RBFOX1: variants seen among roughly 807,000 people sequenced by gnomAD.
The protein encoded by RBFOX1 is RNA binding fox-1 homolog 1.
Under a neutral mutation model 57.7 loss-of-function variants are expected in RBFOX1, and 8 were observed. The ratio of observed to expected loss-of-function variants is 0.14; its 90% CI spans 0.08 to 0.25. RBFOX1 has a LOEUF of 0.25. RBFOX1 is among the 10% of genes least tolerant of loss of function. The pLI is 1.00. For missense variants in RBFOX1, 611 were observed against 548.5 expected (o/e 1.11, Z -1.14); for synonymous variants, 326 against 222.4 (o/e 1.47, Z -4.15).
intron 4 of RBFOX1, among the ~76,000 whole-genome samples, chr16:7,282,013 GTGCCATCACGCCT>G (rs2095554389): frequency 6.6e-6 from 1 of 151,464 alleles, no homozygotes; most frequent in Non-Finnish European, 1.5e-5. Context: ...CCACAGGCGC[GTGCCATCACGCCT>G]GGCAATTTTT....
intron 3 of RBFOX1, among the ~76,000 whole-genome samples, chr16:6,847,420 G>C (rs917791739): frequency 1.3e-5 from 2 of 152,006 alleles, no homozygotes; most frequent in African/African-American, 4.8e-5. Flanking sequence ...CAGCCGTCTA[G>C]ACTGCTTGGT....
chr16:7,225,905 A>AATAAATATATATATATATATATAT (rs66510060), intron 4 of RBFOX1, among the ~76,000 whole-genome samples: 6 of 93,732 alleles, frequency 6.4e-5, no homozygotes, highest in African/African-American at 2.9e-4. Flanking sequence ...AAGTATAATA[A>AATAAATATATATATATATATATAT]ATATATATAT....
chr16:6,932,790 A>G (rs919644456), intron 3 of RBFOX1, among the ~76,000 whole-genome samples: 6 of 152,196 alleles, frequency 3.9e-5, no homozygotes, highest in African/African-American at 7.2e-5. Context: ...CACAGTTTGG[A>G]GGCATTAAAT....
At chr16:7,517,890 G>A (rs943734880) in intron 4 of RBFOX1, among the ~76,000 whole-genome samples, 1 of 151,648 alleles carries the variant, frequency 6.6e-6, no homozygotes, top group Non-Finnish European at 1.5e-5. Context: ...AGGCTGGGTG[G>A]CTTGGAAAAA....
chr16:6,862,177 T>A (rs1194758004), intron 3 of RBFOX1, among the ~76,000 whole-genome samples: 2 of 152,176 alleles, frequency 1.3e-5, no homozygotes, highest in Non-Finnish European at 2.9e-5. Flanking sequence ...GCTTGCTGTG[T>A]GTGTCATGTT....
rs188640413 is a variant in RBFOX1, at chr16:7,616,902, C to G, written c.676+9564C>G. Among the ~76,000 whole-genome samples, 56 of 152,034 alleles carry G rather than the reference C, an allele frequency of 3.7e-4. 1 individual carries two copies. In the East Asian group the frequency reaches 9.9e-3, roughly 27 times the overall value. ...TTATCTCCCAGGAGCTGGCCAAAGT[C>G]CAATCCTAAGGACAAGCTGTTGTGG... On this transcript the variant is annotated intron_variant, in intron 10 of 15. Transcript: ENST00000550418.
intron 4 of RBFOX1, among the ~76,000 whole-genome samples, chr16:7,235,274 A>AG (rs1403497850): frequency 2.6e-5 from 4 of 152,160 alleles, no homozygotes; most frequent in Admixed American, 2.6e-4. Flanking sequence ...TTACACAGAA[A>AG]GAAAGCCACT....
intron 3 of RBFOX1, among the ~76,000 whole-genome samples, chr16:7,041,589 A>C (rs1448582844): frequency 2.0e-5 from 3 of 152,168 alleles, no homozygotes; most frequent in African/African-American, 4.8e-5. Flanking sequence ...GAAGTTCTAC[A>C]TAGTGATAAC....
At chr16:6,971,320 A>C (rs1183921126) in intron 3 of RBFOX1, among the ~76,000 whole-genome samples, 1 of 152,192 alleles carries the variant, frequency 6.6e-6, no homozygotes, top group Non-Finnish European at 1.5e-5. Flanking sequence ...TGTCAGCCAC[A>C]GAAACATCCA....
chr16:6,537,294 C>T (rs557588154), intron 2 of RBFOX1, among the ~76,000 whole-genome samples: 1 of 152,190 alleles, frequency 6.6e-6, no homozygotes, highest in East Asian at 1.9e-4. Flanking sequence ...GGGTGTTAAG[C>T]AACAGAAATG....
intron 2 of RBFOX1, among the ~76,000 whole-genome samples, chr16:5,547,824 T>G (rs940795491): frequency 2.0e-5 from 3 of 151,982 alleles, no homozygotes; most frequent in Non-Finnish European, 2.9e-5. Context: ...ATGTGCTCAT[T>G]TATAAGTGGG....
rs533558669 is a variant in RBFOX1 at position 5,808,635 on chromosome 16, G to A, written c.319-58668G>A. Among the ~76,000 whole-genome samples, 275 of 152,130 alleles carry A rather than the reference G, an allele frequency of 1.8e-3. 2 individuals are homozygous for A. Among genetic ancestry groups the A allele is most frequent in the Admixed American group, 2.7e-3 (41 of 15,282 alleles). Reference sequence around the variant, plus strand: ...AGTTCTCCTTGAAGAGGTCCTTTACGTCCCTTGTAAGTTGGATTCCTAGGT... The same window carrying A: ...AGTTCTCCTTGAAGAGGTCCTTTACATCCCTTGTAAGTTGGATTCCTAGGT... On this transcript the variant is annotated intron_variant, in intron 3 of 19. Transcript: ENST00000641259.
At chr16:6,646,993 A>T (rs544626343) in intron 2 of RBFOX1, among the ~76,000 whole-genome samples, 4 of 152,176 alleles carry the variant, frequency 2.6e-5, no homozygotes, top group Non-Finnish European at 5.9e-5. Context: ...GGGCTACCCT[A>T]ACAAACTGCC....
rs561066993 is a variant in RBFOX1, at chr16:6,789,181, A to T, written c.-16+134531A>T. The stretch of plus-strand genomic sequence containing the variant: ...GGGTAGAGTGTTCTTCAGAAGAAAC[A>T]TTAAGGTTTAAAGACTGTAAGTCAT... On this transcript the variant is annotated intron_variant, in intron 3 of 15. Transcript: ENST00000550418. Among the ~76,000 whole-genome samples, 19 of 152,240 alleles carry T rather than the reference A, an allele frequency of 1.2e-4. 1 individual carries two copies. In the East Asian group the frequency reaches 1.7e-3, roughly 14 times the overall value.
intron 4 of RBFOX1, among the ~76,000 whole-genome samples, chr16:5,921,366 C>G (rs1185558034): frequency 6.6e-6 from 1 of 152,092 alleles, no homozygotes. Flanking sequence ...GTATAAATTA[C>G]TTAAGATGCA....
intron 1 of RBFOX1, among the ~76,000 whole-genome samples, chr16:6,034,621 T>G (rs1052301283): frequency 2.6e-5 from 4 of 152,142 alleles, no homozygotes; most frequent in Admixed American, 1.3e-4. Context: ...TCCTTAATAG[T>G]GTTGCATTGG....
intron 3 of RBFOX1, among the ~76,000 whole-genome samples, chr16:5,624,531 G>A (rs2048293738): frequency 6.6e-6 from 1 of 152,228 alleles, no homozygotes; most frequent in Non-Finnish European, 1.5e-5. Context: ...CCCAGGTGGG[G>A]AAAAGCTCCT....
intron 3 of RBFOX1, among the ~76,000 whole-genome samples, chr16:5,609,658 C>G (rs2047705103): frequency 6.6e-6 from 1 of 152,182 alleles, no homozygotes; most frequent in Non-Finnish European, 1.5e-5. Flanking sequence ...ACAAGGCAGC[C>G]CCCAGTGTCC....
intron 4 of RBFOX1, among the ~76,000 whole-genome samples, chr16:7,350,722 G>A (rs767742926): frequency 2.6e-5 from 4 of 152,128 alleles, no homozygotes; most frequent in Non-Finnish European, 5.9e-5. Context: ...TCATTGACCG[G>A]AGAATTCTGC....
Sources: allele counts gnomAD v4.1 joint callset (sites outside exome capture counted in the v4.1 genomes callset), GRCh38; gene constraint gnomAD v4.1.1; transcripts MANE v1.5; gene names NCBI Gene and HGNC (gene_info 2026-07-23, HGNC 2026-07-21).